GRM7: variants seen among roughly 807,000 people sequenced by gnomAD.
GRM7 encodes metabotropic glutamate receptor 7.
GRM7 carries 35 observed loss-of-function variants against 84.5 expected under a neutral mutation model. That is an observed-to-expected ratio of 0.41 (90% CI 0.32 to 0.55). The LOEUF is 0.55. Ranked by LOEUF, GRM7 falls within the 20% of genes least tolerant of loss-of-function variation. The pLI is 0.19. For missense variants in GRM7, 1,003 were observed against 1,194.6 expected (o/e 0.84, Z 2.36); for synonymous variants, 487 against 455.1 (o/e 1.07, Z -0.89).
chr3:7,331,724 A>C (rs1438420612), intron 4 of GRM7, among the ~76,000 whole-genome samples: 1 of 152,150 alleles, frequency 6.6e-6, no homozygotes, highest in Non-Finnish European at 1.5e-5. Context: ...TGTGCTTAAT[A>C]CTTGTTGTAT....
In GRM7 at chr3:7,578,505, G is replaced by A; in HGVS notation, c.1599G>A (p.Lys533=). The change falls in exon 8 of 10, where the codon AAG becomes AAA. Residue 533 remains lysine, a synonymous_variant. Transcript: ENST00000357716. ...CTLPCKPGQR[K]KTQKGTPCCW... is the part of the protein sequence containing the mutation. ...TACCATGTAAGCCAGGACAGAGAAAGAAGACACAGAAAGGAACTCCTTGCT... is the reference window on the plus strand; with the variant it reads ...TACCATGTAAGCCAGGACAGAGAAAAAAGACACAGAAAGGAACTCCTTGCT... 6.2e-7 allele frequency: 1 copy of A among 1,614,032 alleles called. No individual in the cohort carries two copies. Among genetic ancestry groups the A allele is most frequent in the Admixed American group, 1.7e-5 (1 of 60,018 alleles).
chr3:6,889,817 C>A (rs1695860264), intron 1 of GRM7, among the ~76,000 whole-genome samples: 1 of 152,112 alleles, frequency 6.6e-6, no homozygotes, highest in South Asian at 2.1e-4. Flanking sequence ...GTACCAGTTC[C>A]TCCTTGTACT....
chr3:6,970,955 C>CT (rs756089094), intron 1 of GRM7, among the ~76,000 whole-genome samples: 19 of 151,410 alleles, frequency 1.3e-4, no homozygotes, highest in Non-Finnish European at 2.2e-4. Context: ...ACACTCCAGC[C>CT]TGGGCCACAG....
intron 2 of GRM7, among the ~76,000 whole-genome samples, chr3:7,175,446 A>G (rs1695114153): frequency 6.6e-6 from 1 of 152,242 alleles, no homozygotes; most frequent in Non-Finnish European, 1.5e-5. Context: ...TTATTGTGTC[A>G]CTTCTTCATT....
intron 7 of GRM7, among the ~76,000 whole-genome samples, chr3:7,518,081 C>A (rs1289366445): frequency 1.3e-5 from 2 of 152,298 alleles, no homozygotes; most frequent in Admixed American, 1.3e-4. Context: ...TAATTCATTT[C>A]TCAGACAGTC....
At chr3:7,156,778 C>A (rs1453962482) in intron 2 of GRM7, among the ~76,000 whole-genome samples, 3 of 152,096 alleles carry the variant, frequency 2.0e-5, no homozygotes, top group Non-Finnish European at 2.9e-5. Flanking sequence ...ATCACAACAA[C>A]AAAATTTTTA....
At chr3:7,557,174 G>T (rs1457647034) in intron 7 of GRM7, among the ~76,000 whole-genome samples, 3 of 152,132 alleles carry the variant, frequency 2.0e-5, no homozygotes, top group African/African-American at 7.2e-5. Context: ...CTCTGGGCCT[G>T]CCTTAGGAAT....
intron 4 of GRM7, among the ~76,000 whole-genome samples, chr3:7,407,663 A>G (rs1695741422): frequency 6.6e-6 from 1 of 152,232 alleles, no homozygotes; most frequent in African/African-American, 2.4e-5. Context: ...GAAGAAATGA[A>G]TGAATGAATG....
At chr3:7,192,442 C>T (rs915144522) in intron 2 of GRM7, among the ~76,000 whole-genome samples, 1 of 152,090 alleles carries the variant, frequency 6.6e-6, no homozygotes, top group Non-Finnish European at 1.5e-5. Context: ...ACTGCACTCC[C>T]CCAGAAGTTG....
At chr3:7,717,373 T>TAA (rs572510827) in intron 9 of GRM7, among the ~76,000 whole-genome samples, 1 of 150,330 alleles carries the variant, frequency 6.7e-6, no homozygotes, top group East Asian at 1.9e-4. Flanking sequence ...CAGGTTGATT[T>TAA]AAAAAAAAAA....
intron 7 of GRM7, among the ~76,000 whole-genome samples, chr3:7,469,660 T>C (rs1398496550): frequency 1.3e-5 from 2 of 152,192 alleles, no homozygotes; most frequent in African/African-American, 4.8e-5. Flanking sequence ...ACACCCTGCC[T>C]GTTTCTGATC....
intron 1 of GRM7, among the ~76,000 whole-genome samples, chr3:7,065,294 G>A (rs1697615588): frequency 1.3e-5 from 2 of 151,862 alleles, no homozygotes; most frequent in African/African-American, 2.4e-5. Flanking sequence ...TTTTTTCAAT[G>A]TTATCTTCCA....
intron 9 of GRM7, among the ~76,000 whole-genome samples, chr3:7,691,645 GT>G (rs1339709892): frequency 6.6e-6 from 1 of 151,970 alleles, no homozygotes; most frequent in South Asian, 2.1e-4. Context: ...TGCTCATCTG[GT>G]TTTTTTATTC....
chr3:7,507,867 A>G (rs1184556706), intron 7 of GRM7, among the ~76,000 whole-genome samples: 2 of 152,208 alleles, frequency 1.3e-5, no homozygotes, highest in East Asian at 1.9e-4. Context: ...CTGAAAATAT[A>G]TACAAGTTCT....
At chr3:7,626,751 G>T (rs1452871932) in intron 8 of GRM7, among the ~76,000 whole-genome samples, 1 of 151,980 alleles carries the variant, frequency 6.6e-6, no homozygotes, top group Non-Finnish European at 1.5e-5. Flanking sequence ...CATATTCAAT[G>T]GCCCTATTTA....
intron 8 of GRM7, among the ~76,000 whole-genome samples, chr3:7,617,301 T>C (rs988713654): frequency 2.0e-5 from 3 of 152,134 alleles, no homozygotes; most frequent in Non-Finnish European, 4.4e-5. Context: ...AATAAAAGTG[T>C]CTTAGCAAAT....
chr3:6,908,688 C>T (rs1200508904), intron 1 of GRM7, among the ~76,000 whole-genome samples: 1 of 152,094 alleles, frequency 6.6e-6, no homozygotes, highest in Non-Finnish European at 1.5e-5. Context: ...CAAGAGTAAT[C>T]AGACACAAAG....
intron 4 of GRM7, among the ~76,000 whole-genome samples, chr3:7,346,189 G>A (rs377153169): frequency 2.6e-5 from 4 of 152,190 alleles, no homozygotes; most frequent in South Asian, 2.1e-4. Flanking sequence ...CTTGTCTACC[G>A]TGTACCTAGG....
At chr3:7,020,211 G>A (rs61116851) in intron 1 of GRM7, among the ~76,000 whole-genome samples, 2,703 of 152,290 alleles carry the variant, frequency 0.018, 93 homozygotes, top group African/African-American at 0.062. Flanking sequence ...TATGTTAAAA[G>A]GTAGGTTGAA....
Sources: gnomAD v4.1 joint callset for allele counts (sites outside exome capture counted in the v4.1 genomes callset) on GRCh38, gnomAD v4.1.1 for gene constraint, MANE v1.5 for transcripts, NCBI Gene and HGNC (gene_info 2026-07-23, HGNC 2026-07-21) for gene names.